KCNAB2: variants seen among roughly 807,000 people sequenced by gnomAD.
KCNAB2 encodes potassium voltage-gated channel subfamily A regulatory beta subunit 2, also known as voltage-gated potassium channel subunit beta-2.
A neutral mutation model predicts 63.6 loss-of-function variants in KCNAB2; 29 were observed. The observed-to-expected ratio is 0.46, with a 90% CI of 0.34 to 0.62. KCNAB2 has a LOEUF of 0.62. Ranked by LOEUF, KCNAB2 falls within the 20% of genes least tolerant of loss-of-function variation. KCNAB2 has a pLI of 0.01. For missense variants in KCNAB2, 359 were observed against 563.9 expected, an observed-to-expected ratio of 0.64 and a Z score of 3.68; for synonymous variants, 222 against 224.2, an observed-to-expected ratio of 0.99 and a Z score of 0.09.
chr1:5,999,542 C>A (rs965807832), intron 1 of KCNAB2, among the ~76,000 whole-genome samples: 1 of 152,170 alleles, frequency 6.6e-6, no homozygotes, highest in African/African-American at 2.4e-5. Flanking sequence ...ACATGTGAAG[C>A]CCACATTCTA....
intron 1 of KCNAB2, among the ~76,000 whole-genome samples, chr1:6,004,359 C>G (rs1174286636): frequency 6.6e-6 from 1 of 152,068 alleles, no homozygotes; most frequent in Non-Finnish European, 1.5e-5. Flanking sequence ...CTGCACCCAG[C>G]TTGGTTAGAG....
chr1:6,019,293 T>TA (rs1156657150), intron 1 of KCNAB2, among the ~76,000 whole-genome samples: 3 of 152,042 alleles, frequency 2.0e-5, no homozygotes, highest in South Asian at 4.2e-4. Flanking sequence ...TCCCTTCTCC[T>TA]AAAAAAAATT....
chr1:6,047,723 CAG>C (rs1661047158), intron 1 of KCNAB2, among the ~76,000 whole-genome samples: 1 of 152,222 alleles, frequency 6.6e-6, no homozygotes, highest in Admixed American at 6.5e-5. Context: ...GGGCACTGGT[CAG>C]GGGGCAGTGG....
intron 1 of KCNAB2, among the ~76,000 whole-genome samples, chr1:6,046,736 C>G (rs1660959233): frequency 2.6e-5 from 4 of 152,210 alleles, no homozygotes; most frequent in Admixed American, 2.6e-4. Flanking sequence ...GGTAGCAGCT[C>G]CCCTTCCATT....
chr1:6,061,591 C>T (rs1207656142), intron 2 of KCNAB2, among the ~76,000 whole-genome samples: 1 of 152,240 alleles, frequency 6.6e-6, no homozygotes, highest in Non-Finnish European at 1.5e-5. Flanking sequence ...GTAGCACCTC[C>T]TGCCCAGTTG....
chr1:6,001,155 C>G (rs1174756239), intron 1 of KCNAB2, among the ~76,000 whole-genome samples: 1 of 152,160 alleles, frequency 6.6e-6, no homozygotes, highest in African/African-American at 2.4e-5. Context: ...CCTGCTTCCT[C>G]TGTGCTGCTG....
Position 6,099,840 on chromosome 1 carries a change from C to T in KCNAB2, c.*1266C>T. 1.3e-6 allele frequency: 2 copies of T among 1,543,242 alleles called. No individual in the cohort carries two copies. Among genetic ancestry groups the T allele is most frequent in the South Asian group, 1.2e-5 (1 of 82,724 alleles). On this transcript the variant is annotated 3_prime_UTR_variant, in exon 16 of 16. Transcript: ENST00000378083. ...CAGGCTGGGCAGAGGGGAGAGAGGG[C>T]AGGACAGGCCAGAGTGACGCCCCCG... is the stretch of plus-strand genomic sequence containing the variant.
In KCNAB2 at chr1:6,065,491, C is replaced by T. The variant is rs551570617; in HGVS notation, c.219-7264C>T. On this transcript the variant is annotated intron_variant, in intron 2 of 15. Coordinates refer to ENST00000378083, the MANE Select transcript of KCNAB2 (RefSeq NM_001199862.2). ...CCCCTCAGAAAGACTCAAGAAGCCC[C>T]GAGAAGCAGCTGCTCCCCAAGACCC... 7.2e-5 allele frequency among the ~76,000 whole-genome samples: 11 copies of T among 152,300 alleles called. No individual in the cohort carries two copies. The East Asian group carries it at 9.6e-4, about 13-fold the overall frequency.
chr1:6,021,827 T>G (rs1278247334), intron 1 of KCNAB2, among the ~76,000 whole-genome samples: 3 of 151,756 alleles, frequency 2.0e-5, no homozygotes, highest in Admixed American at 2.0e-4. Context: ...GAGGGTAAAG[T>G]GCAGTGGTAT....
At chr1:6,000,447 G>A (rs1250019469) in intron 1 of KCNAB2, among the ~76,000 whole-genome samples, 1 of 152,158 alleles carries the variant, frequency 6.6e-6, no homozygotes, top group Non-Finnish European at 1.5e-5. Context: ...AGGCAGTGGG[G>A]GTGTCCAGGG....
intron 4 of KCNAB2, among the ~76,000 whole-genome samples, chr1:6,079,420 G>A (rs1041890208): frequency 6.6e-6 from 1 of 152,042 alleles, no homozygotes; most frequent in Non-Finnish European, 1.5e-5. Flanking sequence ...TCAGGAGACT[G>A]AAGCAGGAGA....
chr1:6,081,175 G>T (rs1038334457), intron 4 of KCNAB2, among the ~76,000 whole-genome samples: 2 of 152,238 alleles, frequency 1.3e-5, no homozygotes, highest in African/African-American at 2.4e-5. Context: ...GATGCACAGC[G>T]CATTTAGCTC....
intron 2 of KCNAB2, among the ~76,000 whole-genome samples, chr1:6,066,624 C>A (rs1006154239): frequency 5.9e-5 from 9 of 152,198 alleles, no homozygotes; most frequent in African/African-American, 2.2e-4. Flanking sequence ...GCCACAGGGC[C>A]CCCCCAACAT....
At chr1:6,030,509 TTATG>T (rs976825468), upstream of KCNAB2, among the ~76,000 whole-genome samples, 27 of 150,046 alleles carry the variant, frequency 1.8e-4, no homozygotes, top group Middle Eastern at 3.2e-3. Flanking sequence ...TGTATATGTG[TTATG>T]TATGTATGTG....
chr1:6,076,620 C>T (rs6577485), intron 4 of KCNAB2, among the ~76,000 whole-genome samples: 50,657 of 152,178 alleles, frequency 0.33, 10,252 homozygotes, highest in African/African-American at 0.57. Context: ...GGTGCAGGGG[C>T]CTCACCTGGC....
chr1:6,010,810 C>T (rs546526), intron 1 of KCNAB2, among the ~76,000 whole-genome samples: 64,884 of 151,986 alleles, frequency 0.43, 14,180 homozygotes, highest in East Asian at 0.6. Context: ...GGCTGGCCCT[C>T]GAGTGTTGAA....
At chr1:6,058,335 C>T (rs1220919653) in intron 2 of KCNAB2, among the ~76,000 whole-genome samples, 1 of 152,188 alleles carries the variant, frequency 6.6e-6, no homozygotes, top group Non-Finnish European at 1.5e-5. Context: ...CCACAGGCCC[C>T]AAGGATTGAC....
chr1:6,095,539 C>T lies in KCNAB2; in HGVS notation c.863C>T (p.Ala288Val), dbSNP rs1665550371. ...TGCTTTTCCTCTTCAGGAGTGGGCGCCATGACCTGGTCCCCTCTGGCCTGT... is the reference window on the plus strand; with the variant it reads ...TGCTTTTCCTCTTCAGGAGTGGGCGTCATGACCTGGTCCCCTCTGGCCTGT... ...PELFHKIGVG[A>V]MTWSPLACGI... The change falls in exon 13 of 16, where the codon GCC becomes GTC. Residue 288 changes from alanine to valine, a missense_variant. Around this residue, in one of 2 missense-constraint regions of KCNAB2, gnomAD observed 271 missense variants for 476.1 expected, o/e 0.57. Coordinates refer to ENST00000378083, the MANE Select transcript of KCNAB2 (RefSeq NM_001199862.2). 1.2e-6 allele frequency: 2 copies of T among 1,612,970 alleles called. No homozygotes were observed. The highest frequency in any genetic ancestry group is 2.2e-5 in the East Asian group (1 of 44,840).
At chr1:6,023,178 A>G (rs548424556) in intron 1 of KCNAB2, among the ~76,000 whole-genome samples, 42 of 152,260 alleles carry the variant, frequency 2.8e-4, no homozygotes, top group East Asian at 1.4e-3. Flanking sequence ...CACCATGTTC[A>G]GCCTTTGCGT....
Sources: allele counts gnomAD v4.1 joint callset (sites outside exome capture counted in the v4.1 genomes callset), GRCh38; gene constraint gnomAD v4.1.1; regional missense constraint gnomAD v4.1.1; transcripts MANE v1.5; gene names NCBI Gene and HGNC (gene_info 2026-07-23, HGNC 2026-07-21).